HERC1: variants seen among roughly 807,000 people sequenced by gnomAD.
HERC1 encodes the protein HECT and RLD domain containing E3 ubiquitin protein ligase family member 1, also known as probable E3 ubiquitin-protein ligase HERC1.
HERC1 carries 160 observed loss-of-function variants against 554.3 expected under a neutral mutation model. The ratio of observed to expected loss-of-function variants is 0.29; its 90% confidence interval spans 0.25 to 0.33. The LOEUF is 0.33. Ranked by LOEUF, HERC1 falls within the 10% of genes least tolerant of loss-of-function variation. The pLI is 1.00. For missense variants in HERC1, 4,919 were observed against 5,918.5 expected (o/e 0.83, Z 5.54); for synonymous variants, 2,175 against 2,131.7 (o/e 1.02, Z -0.56).
intron 46 of HERC1, 120 bp from the exon 47 acceptor site, chr15:63,660,056 C>T (rs926040598): frequency 2.0e-5 from 16 of 801,300 alleles, no homozygotes; most frequent in East Asian, 1.1e-4. Context: ...CGATGGCTCA[C>T]GCCTGTAATC....
Position 63,756,713 on chromosome 15 carries a change from A to G in HERC1, c.1257T>C (p.Ser419=). Residue 419 remains serine (S), a synonymous_variant, in exon 5 of 78, where the codon TCT becomes TCC. Coordinates refer to ENST00000443617, the MANE Select transcript of HERC1 (RefSeq NM_003922.4). The surrounding 1 kb of genome is among the most constrained non-coding windows in gnomAD (Gnocchi z 5.0). The stretch of plus-strand genomic sequence containing the variant: ...CGCAAGCTCTAACAGAGCCATCCGT[A>G]GAAATGACAAAAGTGCAGTACTGTC... The part of the protein sequence containing the change: ...EAGQYCTFVI[S]TDGSVRACGK... 6.2e-7 allele frequency: 1 copy of G among 1,611,794 alleles called. No homozygotes were observed. Among genetic ancestry groups the G allele is most frequent in the African/African-American group, 1.3e-5 (1 of 74,990 alleles).
At chr15:63,660,044 T>G (rs2070268360) in intron 46 of HERC1, 108 bp from the exon 47 acceptor site, 1 of 900,626 alleles carries the variant, frequency 1.1e-6, no homozygotes, top group Non-Finnish European at 1.7e-6. Flanking sequence ...AGCAGCCAGA[T>G]GCGATGGCTC....
chr15:63,781,843 A>G (rs951420591), intron 1 of HERC1, among the ~76,000 whole-genome samples: 5 of 152,236 alleles, frequency 3.3e-5, no homozygotes, highest in African/African-American at 1.2e-4. Context: ...TGAATACATA[A>G]ATGATAAAGA....
intron 1 of HERC1, among the ~76,000 whole-genome samples, chr15:63,814,478 G>T (rs1468347103): frequency 6.6e-6 from 1 of 151,960 alleles, no homozygotes; most frequent in Admixed American, 6.6e-5. Flanking sequence ...TTGTTTTTTT[G>T]AGATACAGTC....
intron 31 of HERC1, among the ~76,000 whole-genome samples, chr15:63,691,171 A>G (rs1477427961): frequency 6.6e-6 from 1 of 152,230 alleles, no homozygotes; most frequent in Admixed American, 6.5e-5. Context: ...ATACTTTTCT[A>G]AAGTAAGCCA....
chr15:63,614,773 T>C (rs2067744075), intron 76 of HERC1, among the ~76,000 whole-genome samples: 1 of 152,186 alleles, frequency 6.6e-6, no homozygotes, highest in Non-Finnish European at 1.5e-5. Flanking sequence ...CACACTCCCA[T>C]TATTAAATGC....
intron 1 of HERC1, among the ~76,000 whole-genome samples, chr15:63,815,327 C>T (rs1185503676): frequency 1.3e-5 from 2 of 152,200 alleles, no homozygotes; most frequent in Non-Finnish European, 2.9e-5. Context: ...TGAAGCCAGG[C>T]TACCTAGGTT....
At chr15:63,750,558 T>C (rs1368579945) in intron 8 of HERC1, among the ~76,000 whole-genome samples, 1 of 152,212 alleles carries the variant, frequency 6.6e-6, no homozygotes, top group Non-Finnish European at 1.5e-5. Context: ...CTTCATGCCA[T>C]CAAATTTGAG....
rs1192404839 is a variant in HERC1, at chr15:63,706,806, T to C, written c.4610A>G (p.Asp1537Gly). 6.5e-7 allele frequency: 1 copy of C among 1,544,694 alleles called. No homozygotes were observed. The highest frequency in any genetic ancestry group is 2.4e-5 in the East Asian group (1 of 41,150). ...ALSGRRNVDL[D>G]LAASHRKRGP... ...TCTCTTTCTGTGAGATGCTGCCAAATCCAAATCAACATTTCGTCTGCCACT... is the reference window on the plus strand; with the variant it reads ...TCTCTTTCTGTGAGATGCTGCCAAACCCAAATCAACATTTCGTCTGCCACT... Residue 1537 changes from aspartate to glycine, a missense_variant, in exon 25 of 78, where the codon GAT (aspartate) becomes GGT (glycine). By Grantham distance (94) the Asp-to-Gly change is moderately conservative. Coordinates refer to ENST00000443617, the MANE Select transcript of HERC1 (RefSeq NM_003922.4).
intron 40 of HERC1, among the ~76,000 whole-genome samples, chr15:63,668,632 CTA>C (rs1371941405): frequency 6.6e-6 from 1 of 152,032 alleles, no homozygotes; most frequent in Non-Finnish European, 1.5e-5. Flanking sequence ...GCAGGAGTGG[CTA>C]TAACATCAGA....
At chr15:63,816,364 C>A (rs1355239003) in intron 1 of HERC1, among the ~76,000 whole-genome samples, 1 of 152,180 alleles carries the variant, frequency 6.6e-6, no homozygotes, top group Non-Finnish European at 1.5e-5. Flanking sequence ...TCTTTGACAG[C>A]TTTTAATAAA....
rs568240811 is a variant in HERC1, at chr15:63,768,526, T to C, written c.931-4335A>G. Among the ~76,000 whole-genome samples the C allele has an allele frequency of 2.6e-5, 4 of 152,360 alleles. No individual in the cohort carries two copies. In the South Asian group the frequency reaches 8.3e-4, roughly 32 times the overall value. On this transcript the variant is annotated intron_variant, in intron 2 of 77. Coordinates refer to ENST00000443617, the MANE Select transcript of HERC1 (RefSeq NM_003922.4). ...AACCTCTCCAAATTCCCTAGTTAGC[T>C]GTGAAGCATTTCTGAGAAAAATCGC...
Position 63,664,608 on chromosome 15 carries a change from T to A in HERC1, c.8556-14A>T. The A allele has an allele frequency of 6.2e-7, 1 of 1,608,812 alleles. No homozygotes were observed. On this transcript the variant is annotated splice_polypyrimidine_tract_variant and intron_variant, in intron 42 of 77. Transcript: ENST00000443617. ...AAATTATCAGGGCTACAAGTGCAAG[T>A]GAGAAAGCAACACAAAGTTTTTGAA...
chr15:63,718,371 G>T lies in HERC1; in HGVS notation c.3978+203C>A. The T allele has an allele frequency of 2.2e-6, 1 of 460,248 alleles. No individual in the cohort carries two copies. The highest frequency in any genetic ancestry group is 3.8e-6 in the Non-Finnish European group (1 of 264,558). The allele number at this position is 460,248 out of a possible 1,614,324, so 28.5% of individuals were successfully genotyped here. ...TTATGCAGCCAACTAAAGTTTCTTA[G>T]AACCAATATCACACTTGGTAAATGT... On this transcript the variant is annotated intron_variant, in intron 21 of 77. Coordinates refer to ENST00000443617, the MANE Select transcript of HERC1 (RefSeq NM_003922.4). The surrounding 1 kb of genome is among the most constrained non-coding windows in gnomAD (Gnocchi z 4.2).
chr15:63,661,223 T>C (rs866434934), intron 45 of HERC1, among the ~76,000 whole-genome samples, 198 bp from the exon 46 acceptor site: 98 of 152,338 alleles, frequency 6.4e-4, no homozygotes, highest in African/African-American at 2.3e-3. Context: ...AATGATTATT[T>C]TACCAAACTA....
chr15:63,716,944 C>T (rs1035967683), intron 21 of HERC1, among the ~76,000 whole-genome samples: 13 of 152,012 alleles, frequency 8.6e-5, no homozygotes, highest in African/African-American at 3.1e-4. Flanking sequence ...AACTTTGCCC[C>T]TGAACAAACC....
intron 26 of HERC1, among the ~76,000 whole-genome samples, chr15:63,696,876 A>G (rs1328851189): frequency 6.6e-6 from 1 of 150,926 alleles, no homozygotes. Context: ...TTCTGCCCCT[A>G]TCTTCCCTAG....
intron 4 of HERC1, among the ~76,000 whole-genome samples, chr15:63,757,188 C>T (rs953001501): frequency 7.9e-6 from 1 of 126,968 alleles, no homozygotes; most frequent in African/African-American, 2.9e-5. Context: ...AGCTGGGCTA[C>T]AAATGTAAAA....
chr15:63,739,145 T>C (rs187803278), intron 12 of HERC1, among the ~76,000 whole-genome samples: 99 of 151,342 alleles, frequency 6.5e-4, no homozygotes, highest in Non-Finnish European at 1.2e-3. Flanking sequence ...CGTGTGCCCA[T>C]TACCAGTCAT....
Sources: gnomAD v4.1 joint callset for allele counts (sites outside exome capture counted in the v4.1 genomes callset) on GRCh38, gnomAD v4.1.1 for gene constraint, Gnocchi (gnomAD v3.1) non-coding constraint, MANE v1.5 for transcripts, NCBI Gene and HGNC (gene_info 2026-07-23, HGNC 2026-07-21) for gene names.